SNX31: variants seen among roughly 807,000 people sequenced by gnomAD.
SNX31 encodes the protein sorting nexin-31.
In SNX31, 58 loss-of-function variants were observed where a neutral mutation model predicts 65.4. That is an observed-to-expected ratio of 0.89 (90% confidence interval 0.72 to 1.10). The LOEUF (loss-of-function observed/expected upper bound fraction) is 1.10. Ranked by LOEUF, SNX31 falls within the 50% of genes least tolerant of loss-of-function variation. The pLI, the probability that SNX31 is intolerant of heterozygous loss-of-function variation, is 0.00. For synonymous variants in SNX31, 181 were observed against 190.1 expected (o/e 0.95, Z 0.39); for missense variants, 523 against 529.7 (o/e 0.99, Z 0.12).
At chr8:100,627,106 C>T (rs1214110768) in intron 4 of SNX31, among the ~76,000 whole-genome samples, 1 of 152,184 alleles carries the variant, frequency 6.6e-6, no homozygotes, top group Non-Finnish European at 1.5e-5. Context: ...GTAATCCCAG[C>T]ACTTTGGGAG....
At chr8:100,596,918 C>G in intron 9 of SNX31, 76 bp from the exon 10 acceptor site, 3 of 1,261,412 alleles carry the variant, frequency 2.4e-6, no homozygotes, top group Non-Finnish European at 3.5e-6. Flanking sequence ...ATGAAAACCT[C>G]ATGTCAGAAG....
At chr8:100,656,991 G>C (rs1820062765) in intron 1 of SNX31, among the ~76,000 whole-genome samples, 1 of 152,222 alleles carries the variant, frequency 6.6e-6, no homozygotes, top group East Asian at 1.9e-4. Flanking sequence ...ACAGGTGCAA[G>C]AGCAAGCATT....
intron 9 of SNX31, among the ~76,000 whole-genome samples, chr8:100,598,508 G>A: frequency 6.7e-6 from 1 of 149,894 alleles, no homozygotes; most frequent in Non-Finnish European, 1.5e-5. Context: ...AATTAAAAGT[G>A]AAGCTCTATT....
intron 2 of SNX31, 56 bp from the exon 3 acceptor site, chr8:100,636,067 G>T: frequency 7.5e-7 from 1 of 1,335,178 alleles, no homozygotes; most frequent in South Asian, 1.2e-5. Flanking sequence ...CAGGGTTGAT[G>T]AGATTACTAA....
At chr8:100,608,470 G>T in intron 8 of SNX31, 24 bp downstream of exon 8, 3 of 1,612,238 alleles carry the variant, frequency 1.9e-6, no homozygotes, top group Non-Finnish European at 2.5e-6. Flanking sequence ...CTACGGTGCT[G>T]TCTGAGCTCT....
intron 12 of SNX31, among the ~76,000 whole-genome samples, chr8:100,581,337 C>CTATATATATATATA (rs57664831): frequency 3.2e-5 from 4 of 125,466 alleles, no homozygotes; most frequent in African/African-American, 1.2e-4. Flanking sequence ...ATCTATCTAT[C>CTATATATATATATA]TATATATATA....
Position 100,576,777 on chromosome 8 carries a change from A to G in SNX31, c.1227+242T>C, listed in dbSNP as rs1162136155. ...CAAGGGGTGTACAAAAAAATCACCA[A>G]ATAATTTTGTGTTTCTCTTGGAAAT... On this transcript the variant is annotated intron_variant, in intron 13 of 13. Transcript: ENST00000311812. This position sits in a 1 kb window ranked among gnomAD's most constrained non-coding sequence, Gnocchi z 4.8. 6.6e-6 allele frequency among the ~76,000 whole-genome samples: 1 copy of G among 152,172 alleles called. No individual in the cohort carries two copies. The highest frequency in any genetic ancestry group is 2.4e-5 in the African/African-American group (1 of 41,442).
In SNX31 at chr8:100,649,617, G is replaced by A. The variant is rs572592584; in HGVS notation, c.-103C>T. 1.8e-6 allele frequency: 2 copies of A among 1,130,934 alleles called. No homozygotes were observed. Among genetic ancestry groups the A allele is most frequent in the East Asian group, 5.4e-5 (2 of 37,172 alleles). The allele number at this position is 1,130,934 out of a possible 1,614,324, so 70.1% of individuals were successfully genotyped here. ...CGGTGGACGCAGCGCGGCCTGCCAC[G>A]CGACTCAGAGCGAACCCCGGCGCCC... On this transcript the variant is annotated 5_prime_UTR_variant, in exon 1 of 14. Coordinates refer to ENST00000311812, the MANE Select transcript of SNX31 (RefSeq NM_152628.4).
exon 1 of SNX31, chr8:100,663,253 A>C (rs1388670123): frequency 6.6e-6 from 1 of 152,238 alleles, no homozygotes; most frequent in Non-Finnish European, 1.5e-5. Context: ...CCCCCAATCC[A>C]AAATTAAAAT....
chr8:100,639,811 G>A (rs13250489), intron 2 of SNX31, among the ~76,000 whole-genome samples: 75,415 of 151,922 alleles, frequency 0.5, 19,505 homozygotes, highest in African/African-American at 0.63. Context: ...AAGGATCTAT[G>A]GAGAAATGGC....
intron 2 of SNX31, among the ~76,000 whole-genome samples, chr8:100,646,388 G>A (rs910869956): frequency 1.7e-4 from 26 of 152,168 alleles, no homozygotes; most frequent in Admixed American, 1.7e-3. Context: ...AAACCCACAG[G>A]TAGCAGCTCT....
intron 12 of SNX31, among the ~76,000 whole-genome samples, chr8:100,579,899 C>T (rs1024427453): frequency 2.6e-5 from 4 of 152,220 alleles, no homozygotes; most frequent in African/African-American, 7.2e-5. Context: ...GTGGCTCACA[C>T]CTGTAATCTC....
At chr8:100,642,132 A>G (rs1819302831) in intron 2 of SNX31, among the ~76,000 whole-genome samples, 1 of 152,252 alleles carries the variant, frequency 6.6e-6, no homozygotes, top group East Asian at 1.9e-4. Flanking sequence ...TTTTAAACTC[A>G]AGGAAATTTT....
At chr8:100,642,964 G>C (rs1819361570) in intron 2 of SNX31, among the ~76,000 whole-genome samples, 1 of 152,158 alleles carries the variant, frequency 6.6e-6, no homozygotes, top group Non-Finnish European at 1.5e-5. Context: ...GCTGAGGCAG[G>C]CAGATCACCT....
chr8:100,652,346 A>T (rs561319933), upstream of SNX31, among the ~76,000 whole-genome samples: 2 of 152,146 alleles, frequency 1.3e-5, no homozygotes, highest in Admixed American at 6.5e-5. Context: ...AATCAATCCT[A>T]TATTGTTTCC....
At chr8:100,628,611 G>A (rs1303687927) in intron 4 of SNX31, among the ~76,000 whole-genome samples, 1 of 151,726 alleles carries the variant, frequency 6.6e-6, no homozygotes, top group Non-Finnish European at 1.5e-5. Context: ...GAAGGGGGAG[G>A]GATAGCATTA....
intron 2 of SNX31, among the ~76,000 whole-genome samples, chr8:100,641,101 A>T (rs12549266): frequency 0.47 from 70,890 of 151,268 alleles, 16,789 homozygotes; most frequent in South Asian, 0.53. Context: ...AAGTTTATTT[A>T]AAAAAAAACT....
chr8:100,649,457 G>A lies in SNX31; in HGVS notation c.58C>T (p.Arg20Cys). The A allele has an allele frequency of 6.3e-7, 1 of 1,576,020 alleles. No individual in the cohort carries two copies. Among genetic ancestry groups the A allele is most frequent in the Non-Finnish European group, 8.6e-7 (1 of 1,160,826 alleles). The change falls in exon 1 of 14, where the codon CGC becomes TGC. Residue 20 changes from arginine (R) to cysteine (C), a missense_variant. Coordinates refer to ENST00000311812, the MANE Select transcript of SNX31 (RefSeq NM_152628.4). Reference sequence around the variant, plus strand: ...CCCAGCCCTGGGCGCACCACGTAGCGGCCCCCCAGCGCGTCGGACCGCTGC... The same window carrying A: ...CCCAGCCCTGGGCGCACCACGTAGCAGCCCCCCAGCGCGTCGGACCGCTGC... ...SQQRSDALGG[R>C]YVLYSVHLDG...
intron 10 of SNX31, among the ~76,000 whole-genome samples, chr8:100,592,185 G>A (rs775644757): frequency 5.3e-5 from 8 of 152,008 alleles, no homozygotes; most frequent in Non-Finnish European, 1.2e-4. Flanking sequence ...CATACACTCA[G>A]GAATTTGGAG....
Sources: allele counts gnomAD v4.1 joint callset (sites outside exome capture counted in the v4.1 genomes callset), GRCh38; gene constraint gnomAD v4.1.1; non-coding constraint Gnocchi (gnomAD v3.1); transcripts MANE v1.5; gene names NCBI Gene and HGNC (gene_info 2026-07-23, HGNC 2026-07-21).